The following TRAF3IP1 variants were observed in gnomAD, a reference collection of about 807,000 sequenced individuals.
The protein encoded by TRAF3IP1 is TRAF3-interacting protein 1.
A neutral mutation model predicts 89.9 loss-of-function variants in TRAF3IP1; 53 were observed. The ratio of observed to expected loss-of-function variants is 0.59; its 90% CI spans 0.47 to 0.74. The LOEUF is 0.74. TRAF3IP1 is among the 30% of genes least tolerant of loss of function. The probability of loss-of-function intolerance (pLI) is 0.00; values close to 1 mark genes in which losing one functional copy is unlikely to be tolerated. For missense variants in TRAF3IP1, 806 were observed against 866.1 expected (o/e 0.93, Z 0.87); for synonymous variants, 311 against 322.1 (o/e 0.97, Z 0.37).
At chr2:238,342,351 A>G (rs777534677) in intron 8 of TRAF3IP1, among the ~76,000 whole-genome samples, 8 of 151,844 alleles carry the variant, frequency 5.3e-5, no homozygotes, top group Non-Finnish European at 1.0e-4. Context: ...CAAATTGGTT[A>G]GTCCCTTCTC....
chr2:238,385,541 A>G (rs1227712559), intron 15 of TRAF3IP1, among the ~76,000 whole-genome samples: 1 of 152,262 alleles, frequency 6.6e-6, no homozygotes, highest in African/African-American at 2.4e-5. Context: ...CGTATGTAAT[A>G]GTGAGTGGCT....
chr2:238,392,767 G>C (rs1442789869), intron 15 of TRAF3IP1, among the ~76,000 whole-genome samples: 1 of 152,098 alleles, frequency 6.6e-6, no homozygotes, highest in Non-Finnish European at 1.5e-5. Flanking sequence ...GTATAGATGG[G>C]GTTTTGCCAT....
chr2:238,323,906 G>C (rs568023027), intron 1 of TRAF3IP1, among the ~76,000 whole-genome samples: 1 of 152,186 alleles, frequency 6.6e-6, no homozygotes, highest in Non-Finnish European at 1.5e-5. Context: ...GGCTAATTAG[G>C]AGGTACAGGT....
intron 15 of TRAF3IP1, among the ~76,000 whole-genome samples, chr2:238,393,816 C>T (rs959350634): frequency 3.9e-5 from 6 of 152,176 alleles, no homozygotes; most frequent in East Asian, 1.9e-4. Flanking sequence ...TGGACATATT[C>T]GTATGGATCT....
intron 7 of TRAF3IP1, among the ~76,000 whole-genome samples, chr2:238,337,215 T>C (rs1698426725): frequency 6.6e-6 from 1 of 152,194 alleles, no homozygotes; most frequent in Admixed American, 6.5e-5. Context: ...TAGTTTGTGA[T>C]GAATCTTCAA....
chr2:238,368,343 C>T (rs184262996), intron 15 of TRAF3IP1, among the ~76,000 whole-genome samples: 27 of 152,260 alleles, frequency 1.8e-4, no homozygotes, highest in African/African-American at 6.5e-4. Flanking sequence ...CATTAAAATG[C>T]TTCGATTTCC....
chr2:238,399,029 C>A lies in TRAF3IP1; in HGVS notation c.*110C>A. 1 of 977,760 alleles carries A rather than the reference C, an allele frequency of 1.0e-6. No individual in the cohort carries two copies. Among genetic ancestry groups the A allele is most frequent in the Non-Finnish European group, 1.5e-6 (1 of 676,502 alleles). The allele number at this position is 977,760 out of a possible 1,614,324, so 60.6% of individuals were successfully genotyped here. On this transcript the variant is annotated 3_prime_UTR_variant, in exon 17 of 17. Transcript: ENST00000373327. Reference sequence around the variant, plus strand: ...GTTTGCTAAGAAAATGAACAGTTTACAATGTTATTATCCAGCTAATTTTCA... The same window carrying A: ...GTTTGCTAAGAAAATGAACAGTTTAAAATGTTATTATCCAGCTAATTTTCA...
At chr2:238,330,638 G>A (rs894846644) in intron 5 of TRAF3IP1, among the ~76,000 whole-genome samples, 6 of 152,190 alleles carry the variant, frequency 3.9e-5, no homozygotes, top group African/African-American at 1.4e-4. Flanking sequence ...GCCTGCCCAG[G>A]GGAGGTGGGT....
intron 7 of TRAF3IP1, among the ~76,000 whole-genome samples, chr2:238,334,489 C>G (rs771564538): frequency 1.8e-4 from 27 of 151,648 alleles, no homozygotes; most frequent in Non-Finnish European, 3.4e-4. Context: ...ACAGGCCTGG[C>G]CTGCGGTCCG....
At chr2:238,388,108 T>G (rs1700847864) in intron 15 of TRAF3IP1, among the ~76,000 whole-genome samples, 1 of 151,674 alleles carries the variant, frequency 6.6e-6, no homozygotes, top group African/African-American at 2.4e-5. Context: ...GTCCGGTGGC[T>G]TATGCCTGTT....
At chr2:238,331,259 G>A (rs1698108559) in intron 5 of TRAF3IP1, among the ~76,000 whole-genome samples, 1 of 145,090 alleles carries the variant, frequency 6.9e-6, no homozygotes, top group South Asian at 2.2e-4. Context: ...AAGAGATCGA[G>A]ACCATCCTGG....
chr2:238,331,901 T>A (rs1698145392), intron 5 of TRAF3IP1, among the ~76,000 whole-genome samples: 1 of 152,234 alleles, frequency 6.6e-6, no homozygotes, highest in Admixed American at 6.5e-5. Context: ...ATTTTATTTC[T>A]GTCTAGTAGA....
At chr2:238,377,330 C>T (rs1002324456) in intron 15 of TRAF3IP1, among the ~76,000 whole-genome samples, 9 of 143,444 alleles carry the variant, frequency 6.3e-5, no homozygotes, top group Non-Finnish European at 3.0e-5. Flanking sequence ...CTTTCCTAGG[C>T]TCAGGTGATC....
Position 238,361,332 on chromosome 2 carries a change from T to C in TRAF3IP1, c.1689+5252T>C, listed in dbSNP as rs1014985085. ...AGTGAACCACTGCACCTGGCCAAAC[T>C]TTTCTATTTTGATGTAAAATTTAAA... On this transcript the variant is annotated intron_variant, in intron 15 of 16. Transcript: ENST00000373327. Among the ~76,000 whole-genome samples, 14 of 152,286 alleles carry C rather than the reference T, an allele frequency of 9.2e-5. No individual in the cohort carries two copies. The East Asian group carries it at 9.7e-4, about 11-fold the overall frequency.
At position 238,398,560 on chromosome 2, in the gene TRAF3IP1, C is replaced by T. The variant is rs150446748; in HGVS notation, c.1911-194C>T. 7.5e-4 allele frequency among the ~76,000 whole-genome samples: 114 copies of T among 152,162 alleles called. 1 individual carries two copies. The highest frequency in any genetic ancestry group is 2.6e-3 in the African/African-American group (108 of 41,464). ...AAGATTATCATTGAAGAAATATTAA[C>T]TGCTGCTTTTATAAATCTCATGTTT... is the stretch of plus-strand genomic sequence containing the variant. On this transcript the variant is annotated intron_variant, in intron 16 of 16. Transcript: ENST00000373327.
At chr2:238,324,762 C>T (rs1028172540) in intron 1 of TRAF3IP1, among the ~76,000 whole-genome samples, 2 of 152,204 alleles carry the variant, frequency 1.3e-5, no homozygotes, top group South Asian at 2.1e-4. Flanking sequence ...CACCACCACA[C>T]CCAGCTAATT....
intron 15 of TRAF3IP1, among the ~76,000 whole-genome samples, chr2:238,366,860 C>T (rs1699897515): frequency 6.6e-6 from 1 of 151,986 alleles, no homozygotes; most frequent in Non-Finnish European, 1.5e-5. Flanking sequence ...GTTGTGTTAG[C>T]CCCAGGATGA....
chr2:238,361,208 G>A (rs1426905052), intron 15 of TRAF3IP1, among the ~76,000 whole-genome samples: 2 of 151,710 alleles, frequency 1.3e-5, no homozygotes, highest in African/African-American at 4.8e-5. Flanking sequence ...TACCACACCT[G>A]GCTAATTTTT....
At chr2:238,340,847 A>AT (rs1698614674) in intron 8 of TRAF3IP1, among the ~76,000 whole-genome samples, 1 of 26,142 alleles carries the variant, frequency 3.8e-5, no homozygotes, top group Non-Finnish European at 1.1e-4. Flanking sequence ...ATATATATAT[A>AT]GAGAGAGAGA....
Sources: gnomAD v4.1 joint callset for allele counts (sites outside exome capture counted in the v4.1 genomes callset) on GRCh38, gnomAD v4.1.1 for gene constraint, MANE v1.5 for transcripts, NCBI Gene and HGNC (gene_info 2026-07-23, HGNC 2026-07-21) for gene names.